Variants in AGAP4 observed in about 807,000 individuals in gnomAD.
AGAP4 encodes the protein ArfGAP with GTPase domain, ankyrin repeat and PH domain 4.
Under a neutral mutation model 60.7 loss-of-function variants are expected in AGAP4, and 13 were observed. The ratio of observed to expected loss-of-function variants is 0.21; its 90% CI spans 0.14 to 0.34. The LOEUF is 0.34. AGAP4 is among the 10% of genes least tolerant of loss of function. The probability of loss-of-function intolerance (pLI) is 1.00; values close to 1 mark genes in which losing one functional copy is unlikely to be tolerated. For synonymous variants in AGAP4, 70 were observed against 339.0 expected (o/e 0.21, Z 8.72); for missense variants, 169 against 884.0 (o/e 0.19, Z 10.26).
chr10:45,853,695 T>C (rs1243757823), exon 1 of AGAP4: 9 of 1,287,622 alleles, frequency 7.0e-6, no homozygotes, highest in Non-Finnish European at 8.1e-6. Flanking sequence ...CTTTGGATGT[T>C]GGTCAGAAGC....
At chr10:45,837,679 A>G (rs2058844777) in intron 4 of AGAP4, among the ~76,000 whole-genome samples, 1 of 151,778 alleles carries the variant, frequency 6.6e-6, no homozygotes, top group African/African-American at 2.4e-5. Context: ...CGGGAGAATG[A>G]AACTGGATCC....
chr10:45,852,226 A>AAAC (rs1554900489), upstream of AGAP4, among the ~76,000 whole-genome samples: 3 of 145,662 alleles, frequency 2.1e-5, no homozygotes, highest in African/African-American at 7.6e-5. Flanking sequence ...TTAAAAAAAA[A>AAAC]AAAAAAAAAA....
At chr10:45,841,875 G>T (rs1309545210) in intron 3 of AGAP4, among the ~76,000 whole-genome samples, 188 bp from the exon 4 acceptor site, 2 of 151,670 alleles carry the variant, frequency 1.3e-5, no homozygotes, top group Non-Finnish European at 2.9e-5. Flanking sequence ...TAAAAACTTA[G>T]ATTTTCATTT....
chr10:45,849,473 GATTATTATT>G (rs782154006), upstream of AGAP4, among the ~76,000 whole-genome samples: 1 of 145,104 alleles, frequency 6.9e-6, no homozygotes, highest in African/African-American at 2.5e-5. Flanking sequence ...TGATGATGAT[GATTATTATT>G]ATTATTATTA....
upstream of AGAP4, among the ~76,000 whole-genome samples, chr10:45,849,535 ATTGT>A (rs2059056694): frequency 6.6e-6 from 1 of 150,996 alleles, no homozygotes; most frequent in South Asian, 2.1e-4. Context: ...GCCCAGTGAA[ATTGT>A]TTCTCTAATT....
At chr10:45,848,727 C>G (rs2059039255), upstream of AGAP4, 1 of 152,504 alleles carries the variant, frequency 6.6e-6, no homozygotes, top group Admixed American at 6.6e-5. Context: ...AAAGAAATAC[C>G]TCAGGTTGGG....
chr10:45,849,662 C>T (rs1458593444), upstream of AGAP4, among the ~76,000 whole-genome samples: 2 of 143,298 alleles, frequency 1.4e-5, no homozygotes, highest in East Asian at 2.0e-4. Flanking sequence ...TTTTTTGAGA[C>T]GGAGTTTCTC....
upstream of AGAP4, among the ~76,000 whole-genome samples, chr10:45,849,968 G>C (rs1554900153): frequency 6.7e-6 from 1 of 150,352 alleles, no homozygotes; most frequent in South Asian, 2.1e-4. Context: ...GTCTCACTCT[G>C]TTGCCCAGGC....
At chr10:45,853,615 G>C in intron 1 of AGAP4, 3 of 1,285,318 alleles carry the variant, frequency 2.3e-6, no homozygotes, top group Non-Finnish European at 3.0e-6. Flanking sequence ...GCGATAAAGG[G>C]AGTAAAAAAA....
At chr10:45,853,741 G>A (rs2059110480) in exon 1 of AGAP4, 1 of 1,287,822 alleles carries the variant, frequency 7.8e-7, no homozygotes, top group Non-Finnish European at 1.0e-6. Context: ...CAGCCAACAG[G>A]TCTGGAGAAG....
chr10:45,839,673 G>C (rs2058885894), intron 4 of AGAP4, among the ~76,000 whole-genome samples: 1 of 113,566 alleles, frequency 8.8e-6, no homozygotes, highest in African/African-American at 3.4e-5. Context: ...AGCTAGTCAG[G>C]CTTCTAAGGC....
chr10:45,838,038 C>T (rs1158747431), intron 4 of AGAP4, among the ~76,000 whole-genome samples: 1 of 150,862 alleles, frequency 6.6e-6, no homozygotes, highest in Non-Finnish European at 1.5e-5. Flanking sequence ...AGCTCAAATG[C>T]CCGTCAATCA....
upstream of AGAP4, among the ~76,000 whole-genome samples, chr10:45,852,114 G>A (rs1164088610): frequency 1.3e-3 from 200 of 149,036 alleles, 1 homozygote; most frequent in African/African-American, 4.6e-3. Flanking sequence ...GGGTTTCAAC[G>A]TGTTAGGCAG....
At chr10:45,851,505 G>A (rs1274030184), upstream of AGAP4, among the ~76,000 whole-genome samples, 4 of 151,948 alleles carry the variant, frequency 2.6e-5, no homozygotes, top group Non-Finnish European at 4.4e-5. Flanking sequence ...GTGTGTGAGC[G>A]AGCTGGATGT....
intron 7 of AGAP4, chr10:45,827,607 CAAAAAAA>C (rs1216602902): frequency 1.5e-4 from 2 of 13,004 alleles, no homozygotes; most frequent in African/African-American, 5.4e-4. Flanking sequence ...CCTGTCTTTA[CAAAAAAA>C]AAAAAAGAAA....
intron 4 of AGAP4, among the ~76,000 whole-genome samples, chr10:45,838,242 T>C (rs1309749382): frequency 2.0e-5 from 3 of 150,190 alleles, no homozygotes; most frequent in African/African-American, 7.3e-5. Flanking sequence ...AGCTGAGCTA[T>C]GAGGATGCAA....
At chr10:45,852,809 G>A (rs1455034943) in intron 1 of AGAP4, among the ~76,000 whole-genome samples, 1 of 152,074 alleles carries the variant, frequency 6.6e-6, no homozygotes, top group Non-Finnish European at 1.5e-5. Context: ...AATAGTGTCT[G>A]AAGACCTAGA....
At chr10:45,853,828 T>G in exon 1 of AGAP4, 2 of 1,283,096 alleles carry the variant, frequency 1.6e-6, no homozygotes, top group South Asian at 2.5e-5. Flanking sequence ...TATGATCCTC[T>G]GCAGATGGGT....
rs2059015316 is a variant in AGAP4, at chr10:45,847,273, ACACACCGACCCC to A, written c.63_74del (p.Gln21_Cys25delinsHis). On this transcript the variant is annotated inframe_deletion, in exon 1 of 8. Transcript: ENST00000616763. Reference sequence around the variant, plus strand: ...CCTCATAGATCTCAGATTCAGAGGGACACACCGACCCCTGCTGCTGGTCAAACTCGAGGCTGA... The same window carrying A: ...CCTCATAGATCTCAGATTCAGAGGGATGCTGCTGGTCAAACTCGAGGCTGA... 2 of 1,597,896 alleles carry A rather than the reference ACACACCGACCCC, an allele frequency of 1.3e-6. No individual in the cohort carries two copies. Among genetic ancestry groups the A allele is most frequent in the African/African-American group, 2.7e-5 (2 of 74,884 alleles).
Sources: allele counts gnomAD v4.1 joint callset (sites outside exome capture counted in the v4.1 genomes callset), GRCh38; gene constraint gnomAD v4.1.1; transcripts MANE v1.5; gene names NCBI Gene and HGNC (gene_info 2026-07-23, HGNC 2026-07-21).